The following FAM163A variants were observed in gnomAD, a reference collection of about 807,000 sequenced individuals.
FAM163A encodes the protein family with sequence similarity 163 member A.
A neutral mutation model predicts 12.0 loss-of-function variants in FAM163A; 7 were observed. The ratio of observed to expected loss-of-function variants is 0.58; its 90% confidence interval spans 0.33 to 1.10. The LOEUF is 1.10. Among genes scored for constraint, FAM163A ranks in the 50% least tolerant of loss-of-function variants. FAM163A has a pLI of 0.03. For missense variants in FAM163A, 202 were observed against 218.6 expected (o/e 0.92, Z 0.48); for synonymous variants, 101 against 91.0 (o/e 1.11, Z -0.62).
intron 1 of FAM163A, among the ~76,000 whole-genome samples, chr1:179,766,108 TCTGA>T (rs1271142838): frequency 6.6e-6 from 1 of 152,190 alleles, no homozygotes; most frequent in Non-Finnish European, 1.5e-5. Context: ...CAAGTTTTTC[TCTGA>T]CTTTCCCCTA....
At chr1:179,741,285 T>C (rs3856045), upstream of FAM163A, among the ~76,000 whole-genome samples, 36,059 of 152,230 alleles carry the variant, frequency 0.24, 4,954 homozygotes, top group East Asian at 0.63. Context: ...CTAATAATAT[T>C]ATATTTTGGC....
intron 2 of FAM163A, among the ~76,000 whole-genome samples, chr1:179,809,046 G>T (rs188129634): frequency 6.6e-6 from 1 of 152,216 alleles, no homozygotes; most frequent in African/African-American, 2.4e-5. Flanking sequence ...AGTTGAGGCT[G>T]CAGTGAGCCG....
intron 1 of FAM163A, among the ~76,000 whole-genome samples, chr1:179,790,724 T>C (rs970503100): frequency 6.6e-6 from 1 of 152,134 alleles, no homozygotes; most frequent in Non-Finnish European, 1.5e-5. Context: ...CAGTTGAAGA[T>C]ACTCACTCCA....
intron 1 of FAM163A, among the ~76,000 whole-genome samples, chr1:179,783,935 C>T (rs2148200213): frequency 6.6e-6 from 1 of 151,552 alleles, no homozygotes; most frequent in South Asian, 2.1e-4. Context: ...CTATAAGGAA[C>T]ATTTTCCCGA....
At chr1:179,784,455 T>G (rs1281746308) in intron 1 of FAM163A, among the ~76,000 whole-genome samples, 1 of 152,208 alleles carries the variant, frequency 6.6e-6, no homozygotes, top group Non-Finnish European at 1.5e-5. Flanking sequence ...CAATTCTGCA[T>G]TACAGAATCT....
At chr1:179,788,714 T>C (rs1233704403) in intron 1 of FAM163A, among the ~76,000 whole-genome samples, 1 of 152,220 alleles carries the variant, frequency 6.6e-6, no homozygotes, top group Non-Finnish European at 1.5e-5. Flanking sequence ...ATATCTGGTA[T>C]GGCATTATGC....
At chr1:179,765,677 ATTTT>A (rs749528573) in intron 1 of FAM163A, among the ~76,000 whole-genome samples, 1,530 of 127,176 alleles carry the variant, frequency 0.012, 39 homozygotes, top group African/African-American at 0.042. Context: ...AGCTTTGGGA[ATTTT>A]TTTTTTTTTT....
At chr1:179,790,714 C>T (rs1024768031) in intron 1 of FAM163A, among the ~76,000 whole-genome samples, 1 of 152,100 alleles carries the variant, frequency 6.6e-6, no homozygotes, top group Non-Finnish European at 1.5e-5. Flanking sequence ...TTTGAAGACA[C>T]AGTTGAAGAT....
At chr1:179,794,235 A>G (rs555817338) in intron 1 of FAM163A, among the ~76,000 whole-genome samples, 94 of 152,348 alleles carry the variant, frequency 6.2e-4, no homozygotes, top group African/African-American at 1.9e-3. Flanking sequence ...GGAGAAGACA[A>G]CTGGTTCTTA....
chr1:179,811,520 G>A (rs1286793671), intron 2 of FAM163A, among the ~76,000 whole-genome samples: 1 of 152,278 alleles, frequency 6.6e-6, no homozygotes, highest in Non-Finnish European at 1.5e-5. Flanking sequence ...TAGGCCTGTG[G>A]GGGGCCTGAG....
rs114427855 is a variant in FAM163A, at chr1:179,796,533, G to A, written c.-135-11265G>A. The stretch of plus-strand genomic sequence containing the variant: ...ACCTCTCCCTCTATCTTGCACAGAT[G>A]GCAGCTGCCCCCAAAGTCTCCTCCT... On this transcript the variant is annotated intron_variant, in intron 1 of 4. Coordinates refer to ENST00000341785, the MANE Select transcript of FAM163A (RefSeq NM_173509.3). 9.6e-3 allele frequency among the ~76,000 whole-genome samples: 1,465 copies of A among 152,234 alleles called. 21 individuals are homozygous for A. Among genetic ancestry groups the A allele is most frequent in the African/African-American group, 0.032 (1,321 of 41,506 alleles).
chr1:179,738,251 G>A, the FAM163A span, among the ~76,000 whole-genome samples: 16 of 152,306 alleles, frequency 1.1e-4, no homozygotes, highest in South Asian at 3.1e-3. Context: ...GATTTTGAAT[G>A]TTCCCAACAC....
chr1:179,784,003 A>G (rs997671993), intron 1 of FAM163A, among the ~76,000 whole-genome samples: 4 of 152,038 alleles, frequency 2.6e-5, no homozygotes, highest in African/African-American at 4.8e-5. Flanking sequence ...CATTTGGAAT[A>G]GAAGTCCCAA....
chr1:179,764,712 T>C (rs1571370301), intron 1 of FAM163A, among the ~76,000 whole-genome samples: 3 of 152,080 alleles, frequency 2.0e-5, no homozygotes, highest in Admixed American at 6.5e-5. Context: ...CTGGAGGTGG[T>C]CTCACATGTT....
intron 1 of FAM163A, among the ~76,000 whole-genome samples, chr1:179,759,389 C>G (rs754966293): frequency 4.0e-5 from 6 of 151,212 alleles, no homozygotes; most frequent in Non-Finnish European, 8.8e-5. Context: ...CTGGAGAAAA[C>G]AAGCAGGCTA....
At chr1:179,791,804 C>T (rs1241122653) in intron 1 of FAM163A, among the ~76,000 whole-genome samples, 4 of 152,178 alleles carry the variant, frequency 2.6e-5, no homozygotes, top group African/African-American at 9.7e-5. Context: ...ATTCCAACCA[C>T]CTAGCCAAGC....
At chr1:179,771,115 C>T (rs1438159057) in intron 1 of FAM163A, among the ~76,000 whole-genome samples, 1 of 152,092 alleles carries the variant, frequency 6.6e-6, no homozygotes. Flanking sequence ...ATCTTCTAAC[C>T]CTGCCACTAC....
the FAM163A span, among the ~76,000 whole-genome samples, chr1:179,727,894 A>C: frequency 6.6e-6 from 1 of 152,202 alleles, no homozygotes; most frequent in Non-Finnish European, 1.5e-5. Context: ...AGTAAGATGT[A>C]GGGATGTGTC....
intron 1 of FAM163A, among the ~76,000 whole-genome samples, chr1:179,751,657 G>C (rs1306462268): frequency 6.6e-6 from 1 of 151,924 alleles, no homozygotes; most frequent in Non-Finnish European, 1.5e-5. Context: ...TTGAGGACCT[G>C]TAAAAGCCAG....
Sources: allele counts gnomAD v4.1 joint callset (sites outside exome capture counted in the v4.1 genomes callset), GRCh38; gene constraint gnomAD v4.1.1; transcripts MANE v1.5; gene names NCBI Gene and HGNC (gene_info 2026-07-23, HGNC 2026-07-21).